The following ANKFN1 variants were observed in gnomAD, a reference collection of about 807,000 sequenced individuals.
ANKFN1 encodes ankyrin repeat and fibronectin type-III domain-containing protein 1.
ANKFN1 carries 74 observed loss-of-function variants against 108.7 expected under a neutral mutation model. The observed-to-expected ratio is 0.68, with a 90% CI of 0.56 to 0.83. The LOEUF (loss-of-function observed/expected upper bound fraction) is 0.83. ANKFN1 is among the 40% of genes least tolerant of loss of function. The pLI is 0.00. For missense variants in ANKFN1, 1,505 were observed against 1,382.3 expected (o/e 1.09, Z -1.41); for synonymous variants, 547 against 516.2 (o/e 1.06, Z -0.81).
At chr17:56,486,480 C>G (rs1164167709) in intron 18 of ANKFN1, among the ~76,000 whole-genome samples, 1 of 152,186 alleles carries the variant, frequency 6.6e-6, no homozygotes, top group East Asian at 1.9e-4. Context: ...CATCTTATCC[C>G]CAAGCAATCA....
chr17:56,277,667 C>A (rs957978763), intron 3 of ANKFN1, among the ~76,000 whole-genome samples: 9 of 152,206 alleles, frequency 5.9e-5, no homozygotes, highest in African/African-American at 2.2e-4. Context: ...TGGCTAACTC[C>A]ATATTAGCCA....
intron 1 of ANKFN1, among the ~76,000 whole-genome samples, chr17:56,204,267 G>A (rs1389863596): frequency 4.6e-5 from 7 of 152,040 alleles, no homozygotes; most frequent in African/African-American, 1.7e-4. Context: ...GGTTCGTCTC[G>A]AACTTCTGAT....
At chr17:56,059,681 T>C (rs1463215713) in intron 4 of ANKFN1, among the ~76,000 whole-genome samples, 1 of 152,224 alleles carries the variant, frequency 6.6e-6, no homozygotes, top group African/African-American at 2.4e-5. Flanking sequence ...CACCATTTAT[T>C]GAATAGGAGA....
chr17:56,281,219 G>A (rs550649759), intron 3 of ANKFN1, among the ~76,000 whole-genome samples: 3 of 151,288 alleles, frequency 2.0e-5, no homozygotes, highest in South Asian at 2.1e-4. Flanking sequence ...AGATGAGTAG[G>A]CCAATAGAGA....
intron 3 of ANKFN1, among the ~76,000 whole-genome samples, chr17:56,242,053 CT>C (rs1245441352): frequency 1.3e-5 from 2 of 150,356 alleles, no homozygotes; most frequent in African/African-American, 4.8e-5. Context: ...ACTTAATACT[CT>C]TGGTATACTG....
At chr17:56,198,805 G>T (rs1913769118) in intron 1 of ANKFN1, among the ~76,000 whole-genome samples, 1 of 152,150 alleles carries the variant, frequency 6.6e-6, no homozygotes, top group South Asian at 2.1e-4. Context: ...TGGGCTCTCA[G>T]CTCCATTCTG....
chr17:56,453,194 A>T (rs2049553433), intron 11 of ANKFN1, among the ~76,000 whole-genome samples: 1 of 152,126 alleles, frequency 6.6e-6, no homozygotes, highest in African/African-American at 2.4e-5. Flanking sequence ...GAAAGTAATG[A>T]TGTATCTCTT....
intron 4 of ANKFN1, among the ~76,000 whole-genome samples, chr17:56,093,102 C>T (rs1905451471): frequency 6.6e-6 from 1 of 151,250 alleles, no homozygotes; most frequent in African/African-American, 2.4e-5. Flanking sequence ...TGATCTCAGG[C>T]ATGATATCTC....
chr17:56,416,440 G>A (rs919180570), intron 8 of ANKFN1, among the ~76,000 whole-genome samples: 1 of 152,062 alleles, frequency 6.6e-6, no homozygotes, highest in African/African-American at 2.4e-5. Context: ...ATGAAAAACA[G>A]GCATATTAAA....
intron 6 of ANKFN1, among the ~76,000 whole-genome samples, chr17:56,359,652 C>T (rs182887792): frequency 1.3e-5 from 2 of 152,144 alleles, no homozygotes; most frequent in Admixed American, 6.5e-5. Context: ...GTGCAGACAC[C>T]AGTGTTACAA....
chr17:56,297,626 C>T (rs977367340), intron 3 of ANKFN1, among the ~76,000 whole-genome samples: 3 of 152,194 alleles, frequency 2.0e-5, no homozygotes, highest in Non-Finnish European at 2.9e-5. Context: ...CCTCAGCTTA[C>T]GAGGTCCTTG....
intron 4 of ANKFN1, among the ~76,000 whole-genome samples, chr17:56,074,750 T>C (rs771232633): frequency 3.8e-4 from 58 of 152,310 alleles, no homozygotes; most frequent in Non-Finnish European, 5.4e-4. Context: ...TCAATTGCCA[T>C]TTCTGTTCCA....
chr17:56,166,940 A>G (rs1276495390), intron 1 of ANKFN1, among the ~76,000 whole-genome samples: 3 of 152,256 alleles, frequency 2.0e-5, no homozygotes, highest in African/African-American at 7.2e-5. Context: ...ATTAGTTGTC[A>G]TGAGATAAAT....
intron 3 of ANKFN1, among the ~76,000 whole-genome samples, chr17:56,320,511 A>T (rs2144503548): frequency 6.6e-6 from 1 of 152,306 alleles, no homozygotes; most frequent in African/African-American, 2.4e-5. Flanking sequence ...CTGCTGGATA[A>T]GGTTGAGACT....
intron 5 of ANKFN1, among the ~76,000 whole-genome samples, chr17:56,352,427 C>T (rs2046270857): frequency 6.6e-6 from 1 of 152,150 alleles, no homozygotes; most frequent in African/African-American, 2.4e-5. Context: ...CAGGTGACCC[C>T]TATGCAGGTT....
At chr17:56,265,877 T>G (rs2043635803) in intron 3 of ANKFN1, among the ~76,000 whole-genome samples, 1 of 152,186 alleles carries the variant, frequency 6.6e-6, no homozygotes, top group Admixed American at 6.5e-5. Flanking sequence ...TCAAGTATTT[T>G]CAGTCCTCAG....
intron 3 of ANKFN1, among the ~76,000 whole-genome samples, chr17:56,298,897 A>G (rs1206077570): frequency 6.6e-6 from 1 of 152,256 alleles, no homozygotes; most frequent in Non-Finnish European, 1.5e-5. Flanking sequence ...AGGAGAGTTA[A>G]GTTCTAAAAT....
intron 13 of ANKFN1, 90 bp from the exon 14 acceptor site, chr17:56,457,773 A>C: frequency 1.1e-6 from 1 of 926,294 alleles, no homozygotes; most frequent in East Asian, 2.4e-5. Flanking sequence ...ATCAGGGGTC[A>C]GATTTCTTTC....
chr17:56,411,040 C>CA (rs1209343244), intron 8 of ANKFN1, among the ~76,000 whole-genome samples: 4 of 152,124 alleles, frequency 2.6e-5, no homozygotes, highest in Admixed American at 2.6e-4. Context: ...CTGTTTCTAC[C>CA]AAAAAATGAC....
Sources: allele counts gnomAD v4.1 joint callset (sites outside exome capture counted in the v4.1 genomes callset), GRCh38; gene constraint gnomAD v4.1.1; transcripts MANE v1.5; gene names NCBI Gene and HGNC (gene_info 2026-07-23, HGNC 2026-07-21).